The following CUX1 variants were observed in gnomAD, a reference collection of about 807,000 sequenced individuals.
CUX1 encodes protein CASP.
Under a neutral mutation model 158.8 loss-of-function variants are expected in CUX1, and 31 were observed. That is an observed-to-expected ratio of 0.20 (90% CI 0.15 to 0.26). The LOEUF is 0.26. CUX1 is among the 10% of genes least tolerant of loss of function. CUX1 has a pLI of 1.00. For synonymous variants in CUX1, 879 were observed against 862.1 expected (o/e 1.02, Z -0.34); for missense variants, 1,589 against 2,014.6 (o/e 0.79, Z 4.04).
chr7:101,843,358 T>G (rs899308586), intron 1 of CUX1, among the ~76,000 whole-genome samples: 1 of 152,198 alleles, frequency 6.6e-6, no homozygotes, highest in African/African-American at 2.4e-5. Context: ...TTCTGGTAGT[T>G]GTGTTATATT....
intron 1 of CUX1, among the ~76,000 whole-genome samples, chr7:101,910,419 T>A (rs997045047): frequency 1.3e-5 from 2 of 152,094 alleles, no homozygotes; most frequent in African/African-American, 4.8e-5. Context: ...GTGCTAGAAT[T>A]ACAGGCATCA....
chr7:102,206,807 G>T (rs1427439135), intron 20 of CUX1, among the ~76,000 whole-genome samples: 1 of 152,148 alleles, frequency 6.6e-6, no homozygotes, highest in East Asian at 1.9e-4. Flanking sequence ...GCTGAGGCAG[G>T]AGAATTGCTT....
chr7:102,223,281 T>G (rs782634998), intron 20 of CUX1, among the ~76,000 whole-genome samples: 1 of 152,084 alleles, frequency 6.6e-6, no homozygotes, highest in Non-Finnish European at 1.5e-5. Flanking sequence ...TAAAAAAAGT[T>G]TAATGTTTTA....
chr7:102,278,635 A>T (rs928232184), intron 18 of CUX1, among the ~76,000 whole-genome samples: 83 of 98,452 alleles, frequency 8.4e-4, no homozygotes, highest in Non-Finnish European at 8.0e-4. Context: ...AAATTAAAAT[A>T]AAATAAAATA....
intron 4 of CUX1, among the ~76,000 whole-genome samples, chr7:102,090,444 G>A (rs1828443924): frequency 6.6e-6 from 1 of 151,472 alleles, no homozygotes; most frequent in Non-Finnish European, 1.5e-5. Flanking sequence ...CTGGAGTGCA[G>A]TGGCGCAATC....
At chr7:101,898,848 C>A (rs952537545) in intron 1 of CUX1, among the ~76,000 whole-genome samples, 1 of 152,216 alleles carries the variant, frequency 6.6e-6, no homozygotes, top group Admixed American at 6.5e-5. Flanking sequence ...GCTTCGGCCC[C>A]CCACAGTGCT....
intron 5 of CUX1, among the ~76,000 whole-genome samples, chr7:102,100,765 G>A (rs201470): frequency 0.62 from 94,562 of 151,556 alleles, 31,090 homozygotes; most frequent in African/African-American, 0.79. Flanking sequence ...CCAGGAGTTC[G>A]AGACCAGCCT....
intron 8 of CUX1, among the ~76,000 whole-genome samples, chr7:102,140,073 A>T (rs182386999): frequency 6.6e-6 from 1 of 152,302 alleles, no homozygotes; most frequent in Non-Finnish European, 1.5e-5. Context: ...AGGTGGATTT[A>T]ACACAAGACA....
At chr7:101,934,593 A>G (rs1355771680) in intron 2 of CUX1, among the ~76,000 whole-genome samples, 1 of 152,154 alleles carries the variant, frequency 6.6e-6, no homozygotes, top group African/African-American at 2.4e-5. Context: ...AGGGTTTTGC[A>G]GCTTTTGGTA....
chr7:102,059,457 A>T (rs898673951), intron 3 of CUX1, among the ~76,000 whole-genome samples: 2 of 151,828 alleles, frequency 1.3e-5, no homozygotes, highest in Non-Finnish European at 2.9e-5. Flanking sequence ...AACGTGGTGA[A>T]ACCCCATCTA....
Position 102,248,945 on chromosome 7 carries a change from A to C in CUX1, c.4421A>C (p.Asn1474Thr). The change falls in exon 24 of 24, where the codon AAC (asparagine) becomes ACC (threonine). Residue 1474 changes from asparagine to threonine, a missense_variant. Asn to Thr is a moderately conservative substitution (Grantham distance 65). Transcript: ENST00000292535. The surrounding 1 kb of genome is among the most constrained non-coding windows in gnomAD (Gnocchi z 5.8). Reference sequence around the variant, plus strand: ...GCGGGCGCCCGGGACTCGCGCGACAACCCCCTGCGCAAGAAGAAGGCCGCG... The same window carrying C: ...GCGGGCGCCCGGGACTCGCGCGACACCCCCCTGCGCAAGAAGAAGGCCGCG... Reference protein sequence around the residue: ...EAAGARDSRDNPLRKKKAANL... With the variant: ...EAAGARDSRDTPLRKKKAANL... 1 of 1,486,622 alleles carries C rather than the reference A, an allele frequency of 6.7e-7. No homozygotes were observed. The allele number at this position is 1,486,622 out of a possible 1,614,324, so 92.1% of individuals were successfully genotyped here.
At chr7:102,096,997 G>T (rs28603325) in intron 4 of CUX1, among the ~76,000 whole-genome samples, 33,357 of 152,118 alleles carry the variant, frequency 0.22, 4,002 homozygotes, top group Non-Finnish European at 0.27. Flanking sequence ...CGTCCTCCAC[G>T]TGCAGCTCCG....
At chr7:101,846,713 G>C (rs1404479084) in intron 1 of CUX1, among the ~76,000 whole-genome samples, 1 of 152,134 alleles carries the variant, frequency 6.6e-6, no homozygotes, top group East Asian at 1.9e-4. Flanking sequence ...ATTGGAAGTA[G>C]GCCAAGGAGG....
At chr7:102,221,587 T>C (rs1230001260) in intron 20 of CUX1, among the ~76,000 whole-genome samples, 1 of 151,844 alleles carries the variant, frequency 6.6e-6, no homozygotes, top group Non-Finnish European at 1.5e-5. Context: ...AAGGCAGCTG[T>C]TGTTTGCCTG....
chr7:102,280,807 C>G, exon 20 of CUX1: 1 of 1,612,900 alleles, frequency 6.2e-7, no homozygotes. Context: ...TGTGCAGGAG[C>G]GGCAGAGGAA....
chr7:102,283,597 A>T (rs1393024918), exon 23 of CUX1: 1 of 165,234 alleles, frequency 6.1e-6, no homozygotes, highest in Non-Finnish European at 1.3e-5. Flanking sequence ...CACCCTGCAG[A>T]GTATATGAGG....
At chr7:102,273,636 C>G in intron 15 of CUX1, 2 of 1,070,812 alleles carry the variant, frequency 1.9e-6, no homozygotes, top group Non-Finnish European at 2.6e-6. Context: ...CCATTGGGTT[C>G]TCCCTGCTTA....
At chr7:101,891,865 T>C (rs1194223331) in intron 1 of CUX1, among the ~76,000 whole-genome samples, 1 of 152,260 alleles carries the variant, frequency 6.6e-6, no homozygotes, top group Non-Finnish European at 1.5e-5. Context: ...ATTGAATTTC[T>C]GTGTGGAGAA....
intron 1 of CUX1, among the ~76,000 whole-genome samples, chr7:101,883,117 C>T (rs1463125558): frequency 1.3e-5 from 2 of 152,132 alleles, no homozygotes; most frequent in African/African-American, 4.8e-5. Context: ...AGTCAGCCTC[C>T]AAAGGGGATG....
Sources: gnomAD v4.1 joint callset for allele counts (sites outside exome capture counted in the v4.1 genomes callset) on GRCh38, gnomAD v4.1.1 for gene constraint, Gnocchi (gnomAD v3.1) non-coding constraint, MANE v1.5 for transcripts, NCBI Gene and HGNC (gene_info 2026-07-23, HGNC 2026-07-21) for gene names.